Variants in TUNAR observed in about 807,000 individuals in gnomAD.
The protein encoded by TUNAR is protein TUNAR.
intron 2 of TUNAR, among the ~76,000 whole-genome samples, chr14:95,920,154 G>T (rs1466194342): frequency 6.6e-6 from 1 of 152,158 alleles, no homozygotes; most frequent in Non-Finnish European, 1.5e-5. Context: ...TAAGAAATCA[G>T]ACTCAAAAGA....
intron 2 of TUNAR, among the ~76,000 whole-genome samples, chr14:95,893,748 A>G (rs1889216293): frequency 6.6e-6 from 1 of 152,228 alleles, no homozygotes; most frequent in Non-Finnish European, 1.5e-5. Flanking sequence ...GCTCATGCCC[A>G]GGCTCCTCAC....
At position 95,916,433 on chromosome 14, in the gene TUNAR, C is replaced by A. The variant is rs187867647; in HGVS notation, c.13-6348C>A. Among the ~76,000 whole-genome samples the A allele has an allele frequency of 3.9e-5, 6 of 152,334 alleles. No homozygotes were observed. In the East Asian group the frequency reaches 1.2e-3, roughly 29 times the overall value. On this transcript the variant is annotated intron_variant, in intron 2 of 2. Transcript: ENST00000678517. ...ACTCGATATTGTATTTGCAATTCATCCATGCGATGGCACGTTCCAGCATTT... is the reference window on the plus strand; with the variant it reads ...ACTCGATATTGTATTTGCAATTCATACATGCGATGGCACGTTCCAGCATTT...
intron 2 of TUNAR, among the ~76,000 whole-genome samples, chr14:95,891,242 G>A (rs527744654): frequency 3.9e-5 from 6 of 152,186 alleles, no homozygotes; most frequent in East Asian, 1.9e-4. Context: ...CCACCTGCTC[G>A]GGGGTTTTCC....
At chr14:95,910,373 G>A (rs994818817) in intron 2 of TUNAR, among the ~76,000 whole-genome samples, 1 of 152,188 alleles carries the variant, frequency 6.6e-6, no homozygotes, top group African/African-American at 2.4e-5. Flanking sequence ...TGGGGCCAGC[G>A]TAGATTAAAT....
chr14:95,878,195 C>T (rs575536265), intron 2 of TUNAR, among the ~76,000 whole-genome samples: 12 of 152,352 alleles, frequency 7.9e-5, no homozygotes, highest in Non-Finnish European at 1.6e-4. Flanking sequence ...ACTTCTGAGC[C>T]CCAAAGAAAA....
intron 2 of TUNAR, among the ~76,000 whole-genome samples, chr14:95,894,986 C>T (rs1186287148): frequency 1.3e-5 from 2 of 152,170 alleles, no homozygotes; most frequent in African/African-American, 4.8e-5. Flanking sequence ...TGCTGGGCAC[C>T]ACCTCTCTCC....
intron 2 of TUNAR, among the ~76,000 whole-genome samples, chr14:95,898,573 T>C (rs1889299729): frequency 6.6e-6 from 1 of 152,268 alleles, no homozygotes; most frequent in Admixed American, 6.5e-5. Flanking sequence ...TTTGCCTTTT[T>C]GCTCTTTATT....
intron 2 of TUNAR, among the ~76,000 whole-genome samples, chr14:95,899,914 A>G (rs920868916): frequency 6.6e-6 from 1 of 152,228 alleles, no homozygotes; most frequent in African/African-American, 2.4e-5. Flanking sequence ...CCATTAAACC[A>G]TAGATATTTT....
chr14:95,884,526 G>A (rs1417960720), intron 2 of TUNAR, among the ~76,000 whole-genome samples: 1 of 152,172 alleles, frequency 6.6e-6, no homozygotes, highest in Admixed American at 6.5e-5. Flanking sequence ...CTGTTTCTGG[G>A]CCTGCCCACC....
chr14:95,923,882 A>G (rs906232692), exon 3 of TUNAR: 1 of 152,090 alleles, frequency 6.6e-6, no homozygotes. Context: ...CCTTAGATGC[A>G]CCCTATCTTT....
rs1889394510 is a variant in TUNAR, at chr14:95,904,056, G to A, written c.13-18725G>A. On this transcript the variant is annotated intron_variant, in intron 2 of 2. Transcript: ENST00000678517. Reference sequence around the variant, plus strand: ...AACATGGACCCCTGCCTCATGATTGGAAGGGAGTGAGTGGCCATCTATAAT... The same window carrying A: ...AACATGGACCCCTGCCTCATGATTGAAAGGGAGTGAGTGGCCATCTATAAT... Among the ~76,000 whole-genome samples, 5 of 152,246 alleles carry A rather than the reference G, an allele frequency of 3.3e-5. No individual in the cohort carries two copies. In the South Asian group the frequency reaches 1.0e-3, roughly 32 times the overall value.
At chr14:95,892,488 T>C (rs1889197637) in intron 2 of TUNAR, among the ~76,000 whole-genome samples, 1 of 152,248 alleles carries the variant, frequency 6.6e-6, no homozygotes, top group African/African-American at 2.4e-5. Context: ...TGGCAGCACC[T>C]GGTGCATTAC....
intron 2 of TUNAR, among the ~76,000 whole-genome samples, chr14:95,897,916 T>C (rs946513304): frequency 1.3e-5 from 2 of 152,210 alleles, no homozygotes; most frequent in Admixed American, 1.3e-4. Flanking sequence ...TACCGCCTGT[T>C]CCATTGAGCC....
intron 2 of TUNAR, among the ~76,000 whole-genome samples, chr14:95,907,192 TCTC>T (rs1386659086): frequency 8.5e-5 from 13 of 152,236 alleles, no homozygotes; most frequent in African/African-American, 3.1e-4. Context: ...ATTCAGCCCT[TCTC>T]CTATATCTGA....
rs192572616 is a variant in TUNAR at position 95,921,517 on chromosome 14, G to A, written c.13-1264G>A. ...CTGGATGGCCATGTTTTCTGTCTTCGAAAATAAAAAGTTATTTTGATTATT... is the reference window on the plus strand; with the variant it reads ...CTGGATGGCCATGTTTTCTGTCTTCAAAAATAAAAAGTTATTTTGATTATT... On this transcript the variant is annotated intron_variant, in intron 2 of 2. Coordinates refer to ENST00000678517, the Ensembl canonical transcript of TUNAR. Among the ~76,000 whole-genome samples, 782 of 152,278 alleles carry A rather than the reference G, an allele frequency of 5.1e-3. 8 individuals carry two copies. The highest frequency in any genetic ancestry group is 0.027 in the South Asian group (129 of 4,816).
intron 2 of TUNAR, among the ~76,000 whole-genome samples, chr14:95,894,690 C>G (rs1250357268): frequency 3.9e-5 from 6 of 152,210 alleles, no homozygotes; most frequent in African/African-American, 1.4e-4. Flanking sequence ...AACAAAAAGC[C>G]CCTAAGGCCA....
intron 2 of TUNAR, among the ~76,000 whole-genome samples, chr14:95,887,898 TCC>T (rs1332929543): frequency 1.3e-5 from 2 of 152,244 alleles, no homozygotes; most frequent in African/African-American, 4.8e-5. Context: ...CCTTTTGTTT[TCC>T]TGGGCAAGGA....
rs115269031 is a variant in TUNAR, at chr14:95,887,706, G to A, written c.12+10529G>A. ...AATCTACCTGCTGGCACATTTCATAGGTTTCACCACCTTATTGACTCACAT... is the reference window on the plus strand; with the variant it reads ...AATCTACCTGCTGGCACATTTCATAAGTTTCACCACCTTATTGACTCACAT... On this transcript the variant is annotated intron_variant, in intron 2 of 2. Coordinates refer to ENST00000678517, the Ensembl canonical transcript of TUNAR. Among the ~76,000 whole-genome samples, 313 of 152,296 alleles carry A rather than the reference G, an allele frequency of 2.1e-3. 2 individuals are homozygous for A. Among genetic ancestry groups the A allele is most frequent in the African/African-American group, 7.0e-3 (292 of 41,550 alleles).
intron 2 of TUNAR, among the ~76,000 whole-genome samples, chr14:95,912,016 TGAA>T (rs1167642906): frequency 2.0e-5 from 3 of 152,224 alleles, no homozygotes; most frequent in Non-Finnish European, 4.4e-5. Flanking sequence ...GATACTGACA[TGAA>T]GATTTCTCCT....
Sources: gnomAD v4.1 joint callset for allele counts (sites outside exome capture counted in the v4.1 genomes callset) on GRCh38, gnomAD v4.1.1 for gene constraint, MANE v1.5 for transcripts, NCBI Gene and HGNC (gene_info 2026-07-23, HGNC 2026-07-21) for gene names.